Variants in CSMD1 observed in about 807,000 individuals in gnomAD.
The protein encoded by CSMD1 is CUB and Sushi multiple domains 1, also known as CUB and sushi domain-containing protein 1.
Under a neutral mutation model 417.5 loss-of-function variants are expected in CSMD1, and 213 were observed. The observed-to-expected ratio is 0.51, with a 90% CI of 0.46 to 0.57. CSMD1 has a LOEUF of 0.57. Among genes scored for constraint, CSMD1 ranks in the 20% least tolerant of loss-of-function variants. The pLI is 0.00. For synonymous variants in CSMD1, 2,862 were observed against 1,736.8 expected, an observed-to-expected ratio of 1.65 and a Z score of -16.11; for missense variants, 6,923 against 4,529.7, an observed-to-expected ratio of 1.53 and a Z score of -15.17.
intron 2 of CSMD1, among the ~76,000 whole-genome samples, chr8:4,568,533 G>C (rs529439973): frequency 6.6e-6 from 1 of 152,142 alleles, no homozygotes; most frequent in African/African-American, 2.4e-5. Flanking sequence ...ATGGGCATTT[G>C]GGTTGATTCC....
chr8:3,542,189 T>G (rs1440768336), intron 10 of CSMD1, among the ~76,000 whole-genome samples: 2 of 152,142 alleles, frequency 1.3e-5, no homozygotes, highest in African/African-American at 2.4e-5. Context: ...GAGTCTTGCT[T>G]GACCTTAATA....
chr8:3,986,338 A>G (rs1814318852), intron 5 of CSMD1, among the ~76,000 whole-genome samples: 1 of 152,148 alleles, frequency 6.6e-6, no homozygotes. Flanking sequence ...GTGTTCATTG[A>G]AATGTAGATC....
chr8:3,932,579 G>A (rs1446449684), intron 5 of CSMD1, among the ~76,000 whole-genome samples: 1 of 150,524 alleles, frequency 6.6e-6, no homozygotes. Context: ...AATTAGTACT[G>A]TGGCTAGTTA....
intron 5 of CSMD1, among the ~76,000 whole-genome samples, 189 bp downstream of exon 5, chr8:3,997,714 G>A (rs576884332): frequency 6.6e-6 from 1 of 152,068 alleles, no homozygotes; most frequent in Non-Finnish European, 1.5e-5. Flanking sequence ...CCAGCACAAA[G>A]ACATCTTAGA....
At chr8:4,136,088 C>T (rs891339968) in intron 3 of CSMD1, among the ~76,000 whole-genome samples, 1 of 152,148 alleles carries the variant, frequency 6.6e-6, no homozygotes, top group African/African-American at 2.4e-5. Flanking sequence ...ACTGACTCAG[C>T]AAAAGGACTT....
chr8:3,989,913 C>G (rs560748654), intron 5 of CSMD1, among the ~76,000 whole-genome samples: 21 of 152,126 alleles, frequency 1.4e-4, no homozygotes, highest in Non-Finnish European at 2.2e-4. Flanking sequence ...ATTGTGCAAA[C>G]TTTCATAAGA....
At chr8:4,461,732 T>C (rs1463861974) in intron 2 of CSMD1, among the ~76,000 whole-genome samples, 1 of 118,128 alleles carries the variant, frequency 8.5e-6, no homozygotes, top group African/African-American at 3.3e-5. Flanking sequence ...ATTTATTATT[T>C]ATTTACTTAT....
intron 2 of CSMD1, among the ~76,000 whole-genome samples, chr8:4,437,017 A>AT (rs1159054952): frequency 1.3e-5 from 2 of 152,140 alleles, no homozygotes; most frequent in Non-Finnish European, 2.9e-5. Flanking sequence ...GATTCTCTCT[A>AT]TCCCTGAGAT....
At chr8:3,187,779 T>A in intron 36 of CSMD1, 90 bp downstream of exon 36, 1 of 928,026 alleles carries the variant, frequency 1.1e-6, no homozygotes, top group Non-Finnish European at 1.7e-6. Context: ...TAGGAAAATT[T>A]CTATGTGGAG....
At chr8:3,054,553 G>A (rs1402948637) in intron 49 of CSMD1, among the ~76,000 whole-genome samples, 1 of 152,222 alleles carries the variant, frequency 6.6e-6, no homozygotes, top group Non-Finnish European at 1.5e-5. Context: ...AGGAGACAGA[G>A]GTTGCAGTGA....
intron 26 of CSMD1, among the ~76,000 whole-genome samples, chr8:3,283,546 A>G (rs1802903937): frequency 6.6e-6 from 1 of 152,076 alleles, no homozygotes; most frequent in East Asian, 1.9e-4. Flanking sequence ...GTTCAGAACC[A>G]CTCCAAAATA....
chr8:4,131,643 A>T (rs1803110695), intron 3 of CSMD1, among the ~76,000 whole-genome samples: 1 of 152,144 alleles, frequency 6.6e-6, no homozygotes, highest in Non-Finnish European at 1.5e-5. Context: ...ACTAGTTCTC[A>T]AGTAAATAAA....
At chr8:3,661,812 A>C (rs116938479) in intron 7 of CSMD1, among the ~76,000 whole-genome samples, 360 of 152,230 alleles carry the variant, frequency 2.4e-3, no homozygotes, top group Non-Finnish European at 3.8e-3. Context: ...CTTTAAATTT[A>C]ATTCAGATGA....
At chr8:4,537,071 C>T (rs1797138003) in intron 2 of CSMD1, among the ~76,000 whole-genome samples, 1 of 152,096 alleles carries the variant, frequency 6.6e-6, no homozygotes, top group African/African-American at 2.4e-5. Flanking sequence ...CAATCAAAGA[C>T]AGAAAATTCT....
chr8:4,501,285 G>C (rs913272022), intron 2 of CSMD1, among the ~76,000 whole-genome samples: 3 of 151,998 alleles, frequency 2.0e-5, no homozygotes, highest in Admixed American at 2.0e-4. Context: ...CCCCGAACAG[G>C]ATGCTTAAAA....
chr8:4,449,526 G>A (rs75854779), intron 2 of CSMD1, among the ~76,000 whole-genome samples: 304 of 152,290 alleles, frequency 2.0e-3, no homozygotes, highest in Non-Finnish European at 3.1e-3. Flanking sequence ...TTTAGGCTGT[G>A]TCTGTGAGTC....
chr8:4,066,146 G>A (rs1471538788), intron 3 of CSMD1, among the ~76,000 whole-genome samples: 1 of 152,138 alleles, frequency 6.6e-6, no homozygotes, highest in African/African-American at 2.4e-5. Flanking sequence ...TCTCTGTTTG[G>A]AAGACTCACC....
chr8:4,810,910 T>A (rs942852942), intron 1 of CSMD1, among the ~76,000 whole-genome samples: 4 of 152,208 alleles, frequency 2.6e-5, no homozygotes, highest in African/African-American at 9.6e-5. Flanking sequence ...AATTAACTGC[T>A]ACCTCTCCTG....
At chr8:4,402,214 T>C (rs1216064311) in intron 3 of CSMD1, among the ~76,000 whole-genome samples, 1 of 152,154 alleles carries the variant, frequency 6.6e-6, no homozygotes, top group Admixed American at 6.5e-5. Flanking sequence ...TCCCATGCTC[T>C]TATCTCTGTT....
Sources: allele counts gnomAD v4.1 joint callset (sites outside exome capture counted in the v4.1 genomes callset), GRCh38; gene constraint gnomAD v4.1.1; transcripts MANE v1.5; gene names NCBI Gene and HGNC (gene_info 2026-07-23, HGNC 2026-07-21).